ROBO2: variants seen among roughly 807,000 people sequenced by gnomAD.
ROBO2 encodes the protein roundabout homolog 2.
In ROBO2, 53 loss-of-function variants were observed where a neutral mutation model predicts 160.8. That is an observed-to-expected ratio of 0.33 (90% confidence interval 0.26 to 0.41). The LOEUF (loss-of-function observed/expected upper bound fraction) is 0.41. Ranked by LOEUF, ROBO2 falls within the 10% of genes least tolerant of loss-of-function variation. The probability of loss-of-function intolerance (pLI) is 1.00; values close to 1 mark genes in which losing one functional copy is unlikely to be tolerated. For synonymous variants in ROBO2, 664 were observed against 611.7 expected (o/e 1.09, Z -1.26); for missense variants, 1,577 against 1,722.4 (o/e 0.92, Z 1.49).
chr3:76,847,354 T>C (rs563865852), intron 2 of ROBO2, among the ~76,000 whole-genome samples: 5 of 152,132 alleles, frequency 3.3e-5, no homozygotes, highest in East Asian at 1.9e-4. Flanking sequence ...CTCATGTTGC[T>C]CCTTATGGAA....
At chr3:76,477,149 A>G (rs551054005) in intron 2 of ROBO2, among the ~76,000 whole-genome samples, 1 of 152,310 alleles carries the variant, frequency 6.6e-6, no homozygotes, top group African/African-American at 2.4e-5. Flanking sequence ...AGACTTGTAA[A>G]ATTAGTTCTC....
chr3:76,907,654 C>T (rs1159846057), intron 2 of ROBO2, among the ~76,000 whole-genome samples: 1 of 152,052 alleles, frequency 6.6e-6, no homozygotes, highest in African/African-American at 2.4e-5. Context: ...TTAGGGGGTG[C>T]CCATTGTGTG....
chr3:77,511,219 G>C (rs2089347216), intron 5 of ROBO2, among the ~76,000 whole-genome samples: 1 of 151,984 alleles, frequency 6.6e-6, no homozygotes, highest in Admixed American at 6.6e-5. Context: ...AATCCCTGGA[G>C]CCTCCCATGT....
intron 8 of ROBO2, among the ~76,000 whole-genome samples, chr3:77,557,048 A>G (rs2093148280): frequency 6.6e-6 from 1 of 151,852 alleles, no homozygotes; most frequent in Non-Finnish European, 1.5e-5. Flanking sequence ...AATACTGTAC[A>G]TTTTGATGTC....
At chr3:76,515,909 T>A (rs1475194954) in intron 2 of ROBO2, among the ~76,000 whole-genome samples, 1 of 152,184 alleles carries the variant, frequency 6.6e-6, no homozygotes, top group Non-Finnish European at 1.5e-5. Context: ...TTCTCCCAGC[T>A]TCACTTACAA....
At chr3:76,435,083 G>T in intron 2 of ROBO2, 1 of 1,044,346 alleles carries the variant, frequency 9.6e-7, no homozygotes, top group Non-Finnish European at 1.5e-6. Flanking sequence ...ACATGACATT[G>T]CAAATCAAGG....
chr3:77,368,467 ATTTGCTCATTGGTGGT>A (rs2071260488), intron 2 of ROBO2, among the ~76,000 whole-genome samples: 1 of 152,176 alleles, frequency 6.6e-6, no homozygotes, highest in South Asian at 2.1e-4. Context: ...TGAGCACCAA[ATTTGCTCATTGGTGGT>A]TTAGCAACTG....
intron 2 of ROBO2, among the ~76,000 whole-genome samples, chr3:77,145,461 G>A (rs75804781): frequency 0.055 from 8,343 of 152,112 alleles, 254 homozygotes; most frequent in Admixed American, 0.091. Context: ...TTTTTTATAT[G>A]GCATGAAGTT....
chr3:76,939,899 G>C (rs1193723460), intron 2 of ROBO2, among the ~76,000 whole-genome samples: 2 of 151,432 alleles, frequency 1.3e-5, no homozygotes, highest in South Asian at 2.1e-4. Flanking sequence ...TTTTAACCTT[G>C]TGTAAATTTC....
intron 2 of ROBO2, among the ~76,000 whole-genome samples, chr3:76,317,588 G>C (rs2072145567): frequency 6.6e-6 from 1 of 152,090 alleles, no homozygotes; most frequent in South Asian, 2.1e-4. Context: ...CATTACGTCT[G>C]AGTTTCATTT....
intron 2 of ROBO2, among the ~76,000 whole-genome samples, chr3:76,829,610 A>ATCTCT (rs1448317080): frequency 6.7e-6 from 1 of 149,090 alleles, no homozygotes. Flanking sequence ...CTTAGATGCT[A>ATCTCT]TCTCTTCTCT....
At chr3:76,434,310 T>C in intron 2 of ROBO2, 1 of 1,097,120 alleles carries the variant, frequency 9.1e-7, no homozygotes, top group Admixed American at 1.7e-5. Context: ...TTCCAATTTG[T>C]TGGCACCCAT....
intron 2 of ROBO2, among the ~76,000 whole-genome samples, chr3:77,355,877 G>A (rs7432562): frequency 0.78 from 118,023 of 151,308 alleles, 46,791 homozygotes; most frequent in Non-Finnish European, 0.86. Context: ...AAGTATTGAT[G>A]TACACACTGT....
chr3:77,204,756 C>A (rs2083253588), intron 2 of ROBO2, among the ~76,000 whole-genome samples: 1 of 152,218 alleles, frequency 6.6e-6, no homozygotes, highest in South Asian at 2.1e-4. Context: ...ACAACAAAAA[C>A]ATACGCTTCA....
chr3:76,057,732 C>T (rs1196157265), intron 2 of ROBO2, among the ~76,000 whole-genome samples: 1 of 151,940 alleles, frequency 6.6e-6, no homozygotes, highest in Non-Finnish European at 1.5e-5. Context: ...AAATATTCAC[C>T]AAATGTCCTT....
chr3:76,053,088 G>A (rs939272084), intron 2 of ROBO2, among the ~76,000 whole-genome samples: 1 of 152,006 alleles, frequency 6.6e-6, no homozygotes, highest in African/African-American at 2.4e-5. Flanking sequence ...GCTTCCCCCA[G>A]TGGTCATGTT....
intron 2 of ROBO2, among the ~76,000 whole-genome samples, chr3:76,182,402 T>C (rs1170506113): frequency 1.3e-5 from 2 of 152,174 alleles, no homozygotes; most frequent in African/African-American, 4.8e-5. Flanking sequence ...CTTTTAGTTA[T>C]TATATTCAAT....
At position 76,439,919 on chromosome 3, in the gene ROBO2, C is replaced by A. The variant is rs2076847865; in HGVS notation, c.109+502317C>A. ...CCAGAGAATCTTGCCTTCCGGTATC[C>A]ATGCCCTTGTATCATCCTCTCTCCT... On this transcript the variant is annotated intron_variant, in intron 2 of 26. Coordinates refer to the ROBO2 transcript ENST00000487694. Among the ~76,000 whole-genome samples, 6 of 152,196 alleles carry A rather than the reference C, an allele frequency of 3.9e-5. No individual in the cohort carries two copies. In the South Asian group the frequency reaches 1.2e-3, roughly 32 times the overall value.
intron 2 of ROBO2, among the ~76,000 whole-genome samples, chr3:77,377,181 T>C (rs992193628): frequency 6.6e-6 from 1 of 152,116 alleles, no homozygotes; most frequent in African/African-American, 2.4e-5. Flanking sequence ...ATTTACATTA[T>C]TCAAAAACAT....
Sources: gnomAD v4.1 joint callset for allele counts (sites outside exome capture counted in the v4.1 genomes callset) on GRCh38, gnomAD v4.1.1 for gene constraint, MANE v1.5 for transcripts, NCBI Gene and HGNC (gene_info 2026-07-23, HGNC 2026-07-21) for gene names.